The following OPRM1 variants were observed in gnomAD, a reference collection of about 807,000 sequenced individuals.
OPRM1 encodes mu-type opioid receptor.
Under a neutral mutation model 31.8 loss-of-function variants are expected in OPRM1, and 27 were observed. The observed-to-expected ratio is 0.85, with a 90% CI of 0.63 to 1.17. The LOEUF (loss-of-function observed/expected upper bound fraction) is 1.17. Ranked by LOEUF, OPRM1 falls within the 50% of genes most tolerant of loss-of-function variation. The pLI, the probability that OPRM1 is intolerant of heterozygous loss-of-function variation, is 0.00. For synonymous variants in OPRM1, 196 were observed against 189.9 expected, an observed-to-expected ratio of 1.03 and a Z score of -0.26; for missense variants, 536 against 511.1, an observed-to-expected ratio of 1.05 and a Z score of -0.47.
chr6:154,204,922 A>G (rs777060227), intron 3 of OPRM1, among the ~76,000 whole-genome samples: 40 of 151,504 alleles, frequency 2.6e-4, no homozygotes, highest in Non-Finnish European at 2.4e-4. Flanking sequence ...CTCCTTCTCC[A>G]CTCCTTTCTA....
At chr6:154,221,430 C>A in intron 3 of OPRM1, 1 of 857,874 alleles carries the variant, frequency 1.2e-6, no homozygotes, top group Non-Finnish European at 1.9e-6. Flanking sequence ...AACTTGTCTG[C>A]TTTCTTTGTA....
rs1471969490 is a variant in OPRM1, at chr6:154,120,588, T to A, written c.*1867T>A. Among the ~76,000 whole-genome samples the A allele has an allele frequency of 2.0e-5, 3 of 152,188 alleles. No homozygotes were observed. Among genetic ancestry groups the A allele is most frequent in the Non-Finnish European group, 4.4e-5 (3 of 68,026 alleles). ...GTACTAGGGTGTATATATTTACATA[T>A]ATACACTACTAGAGCTTCCAAAAGT... On this transcript the variant is annotated 3_prime_UTR_variant, in exon 4 of 4. Transcript: ENST00000330432.
Position 154,127,656 on chromosome 6 carries a change from C to T in OPRM1, c.*8935C>T, listed in dbSNP as rs960171166. The stretch of plus-strand genomic sequence containing the variant: ...TTTCACTAAATAACAACTCTCTTCT[C>T]TCCATCATTTTGACTTAGAGCCAGT... On this transcript the variant is annotated 3_prime_UTR_variant, in exon 4 of 4. Coordinates refer to ENST00000330432, the MANE Select transcript of OPRM1 (RefSeq NM_000914.5). Among the ~76,000 whole-genome samples, 3 of 152,166 alleles carry T rather than the reference C, an allele frequency of 2.0e-5. No homozygotes were observed. Among genetic ancestry groups the T allele is most frequent in the Admixed American group, 2.0e-4 (3 of 15,278 alleles).
intron 3 of OPRM1, among the ~76,000 whole-genome samples, chr6:154,232,227 A>G (rs975112024): frequency 1.3e-5 from 2 of 152,240 alleles, no homozygotes; most frequent in Non-Finnish European, 2.9e-5. Context: ...AGCTGCACGT[A>G]TTAGCATCGG....
rs900931426 is a variant in OPRM1, at chr6:154,121,016, G to T, written c.*2295G>T. Among the ~76,000 whole-genome samples, 2 of 152,138 alleles carry T rather than the reference G, an allele frequency of 1.3e-5. No homozygotes were observed. The highest frequency in any genetic ancestry group is 4.8e-5 in the African/African-American group (2 of 41,434). The stretch of plus-strand genomic sequence containing the variant: ...CAAAACCATTTTTTAACGTAAATTT[G>T]CTAGAACCACCTTCCAATTCCAAGG... On this transcript the variant is annotated 3_prime_UTR_variant, in exon 4 of 4. Coordinates refer to ENST00000330432, the MANE Select transcript of OPRM1 (RefSeq NM_000914.5).
intron 3 of OPRM1, among the ~76,000 whole-genome samples, chr6:154,142,152 A>G (rs1425100698): frequency 1.9e-5 from 1 of 53,380 alleles, no homozygotes; most frequent in African/African-American, 6.4e-5. Flanking sequence ...TACAGTGGGT[A>G]GCTCATCAGG....
At chr6:154,050,981 T>G (rs1782092344) in intron 1 of OPRM1, among the ~76,000 whole-genome samples, 1 of 152,204 alleles carries the variant, frequency 6.6e-6, no homozygotes, top group South Asian at 2.1e-4. Flanking sequence ...CAAAACTAAA[T>G]TGATTCCTGT....
intron 3 of OPRM1, among the ~76,000 whole-genome samples, chr6:154,218,080 T>C (rs895623439): frequency 3.3e-5 from 5 of 152,198 alleles, no homozygotes; most frequent in Admixed American, 6.5e-5. Flanking sequence ...CCTTCTTTGC[T>C]AAGAACTTTT....
At chr6:154,164,972 C>G (rs1799311699) in intron 3 of OPRM1, among the ~76,000 whole-genome samples, 1 of 152,148 alleles carries the variant, frequency 6.6e-6, no homozygotes, top group East Asian at 1.9e-4. Flanking sequence ...CCAGTACTAT[C>G]CCAGTGCAGG....
intron 1 of OPRM1, among the ~76,000 whole-genome samples, chr6:154,043,211 A>G (rs1780427355): frequency 6.6e-6 from 1 of 152,170 alleles, no homozygotes; most frequent in African/African-American, 2.4e-5. Flanking sequence ...GTGCCAAGTA[A>G]TAGTACCTTC....
intron 3 of OPRM1, among the ~76,000 whole-genome samples, chr6:154,109,784 CTCTCTCTCTGTGTG>C (rs751642147): frequency 2.5e-5 from 3 of 121,526 alleles, no homozygotes; most frequent in African/African-American, 8.7e-5. Flanking sequence ...CTCTCTCTCT[CTCTCTCTCTGTGTG>C]TGTGTGTGTG....
chr6:154,171,305 C>T, intron 3 of OPRM1, among the ~76,000 whole-genome samples: 1 of 152,040 alleles, frequency 6.6e-6, no homozygotes, highest in East Asian at 1.9e-4. Context: ...ACTCAGTTGT[C>T]CACAATACTT....
intron 3 of OPRM1, among the ~76,000 whole-genome samples, chr6:154,236,693 T>C (rs1780162780): frequency 6.6e-6 from 1 of 152,218 alleles, no homozygotes; most frequent in African/African-American, 2.4e-5. Context: ...ATGAGCACCA[T>C]CTCTTTCACA....
chr6:154,238,157 T>C (rs1481826620), intron 3 of OPRM1, among the ~76,000 whole-genome samples: 1 of 152,262 alleles, frequency 6.6e-6, no homozygotes, highest in Non-Finnish European at 1.5e-5. Context: ...AACAGCATCA[T>C]GTATGATATT....
Position 154,213,594 on chromosome 6 carries a change from C to T in OPRM1, c.1165-33099C>T, listed in dbSNP as rs544655713. Among the ~76,000 whole-genome samples, 360 of 152,286 alleles carry T rather than the reference C, an allele frequency of 2.4e-3. 1 individual carries two copies. Among genetic ancestry groups the T allele is most frequent in the African/African-American group, 8.5e-3 (354 of 41,548 alleles). ...TATCAGAAGATATAACTCCCTGCTTCCAATTTCCAAGGCCTTTTGTGGTCT... is the reference window on the plus strand; with the variant it reads ...TATCAGAAGATATAACTCCCTGCTTTCAATTTCCAAGGCCTTTTGTGGTCT... On this transcript the variant is annotated intron_variant, in intron 3 of 3. Transcript: ENST00000337049.
In OPRM1 at chr6:154,039,496, G is replaced by C. The variant is rs1303654718; in HGVS notation, c.-49G>C. The C allele has an allele frequency of 3.8e-6, 6 of 1,570,750 alleles. No homozygotes were observed. Among genetic ancestry groups the C allele is most frequent in the South Asian group, 1.2e-5 (1 of 85,716 alleles). On this transcript the variant is annotated 5_prime_UTR_variant, in exon 1 of 4. Transcript: ENST00000330432. ...AGGCGCTTGGAACCCGAAAAGTCTC[G>C]GTGCTCCTGGCTACCTCGCACAGCG... is the stretch of plus-strand genomic sequence containing the variant.
At chr6:154,057,569 C>T (rs565980173) in intron 1 of OPRM1, among the ~76,000 whole-genome samples, 1 of 152,118 alleles carries the variant, frequency 6.6e-6, no homozygotes, top group East Asian at 1.9e-4. Context: ...ATTTATGTCT[C>T]AGAGGCAAGA....
rs1797357727 is a variant in OPRM1, at chr6:154,122,416, C to T, written c.*3695C>T. ...GCCTGGGCCACTGCAACTCTAACCA[C>T]TGTGTTTCCCCCAGTTTGATATGGT... On this transcript the variant is annotated 3_prime_UTR_variant, in exon 4 of 4. Transcript: ENST00000330432. Among the ~76,000 whole-genome samples the T allele has an allele frequency of 6.6e-6, 1 of 152,156 alleles. No homozygotes were observed.
chr6:154,077,658 G>C (rs1251865207), intron 1 of OPRM1, among the ~76,000 whole-genome samples: 1 of 151,764 alleles, frequency 6.6e-6, no homozygotes, highest in Non-Finnish European at 1.5e-5. Flanking sequence ...TTGAACCTGC[G>C]AGGCGGAGGT....
Sources: allele counts gnomAD v4.1 joint callset (sites outside exome capture counted in the v4.1 genomes callset), GRCh38; gene constraint gnomAD v4.1.1; transcripts MANE v1.5; gene names NCBI Gene and HGNC (gene_info 2026-07-23, HGNC 2026-07-21).